WDR26: variants seen among roughly 807,000 people sequenced by gnomAD.
WDR26 encodes WD repeat-containing protein 26.
Under a neutral mutation model 84.1 loss-of-function variants are expected in WDR26, and 5 were observed. The ratio of observed to expected loss-of-function variants is 0.06; its 90% CI spans 0.03 to 0.13. The LOEUF is 0.13. Among genes scored for constraint, WDR26 ranks in the 10% least tolerant of loss-of-function variants. The pLI is 1.00. For missense variants in WDR26, 642 were observed against 974.9 expected (o/e 0.66, Z 4.55); for synonymous variants, 415 against 389.6 (o/e 1.07, Z -0.77).
intron 8 of WDR26, 63 bp downstream of exon 8, chr1:224,404,367 A>G: frequency 1.3e-5 from 20 of 1,542,044 alleles, no homozygotes; most frequent in Non-Finnish European, 1.7e-5. Flanking sequence ...TAAAGTTATA[A>G]TGAATATGTA....
Position 224,431,743 on chromosome 1 carries a change from C to A in WDR26, c.761G>T (p.Arg254Leu). The A allele has an allele frequency of 5.6e-6, 9 of 1,613,830 alleles. No individual in the cohort carries two copies. The highest frequency in any genetic ancestry group is 7.6e-6 in the Non-Finnish European group (9 of 1,179,806). The change falls in exon 2 of 14, where the codon CGT (arginine) becomes CTT (leucine). Residue 254 changes from arginine (R) to leucine (L), a missense_variant. Arg to Leu is a moderately radical substitution (Grantham distance 102, BLOSUM62 -2). This residue lies in a region of WDR26 where 351 missense variants were observed against 672.8 expected (regional missense o/e 0.52). Transcript: ENST00000414423. Reference sequence around the variant, plus strand: ...TTTGGTAGCAGAAGGATGTTCTAAACGACATCCTGACTCTTGCATGAGGAG... The same window carrying A: ...TTTGGTAGCAGAAGGATGTTCTAAAAGACATCCTGACTCTTGCATGAGGAG...
chr1:224,395,308 C>G (rs1673230334), intron 12 of WDR26, among the ~76,000 whole-genome samples: 2 of 152,126 alleles, frequency 1.3e-5, no homozygotes, highest in Admixed American at 1.3e-4. Context: ...GAACAGAGGG[C>G]AGAATCCCAG....
At chr1:224,427,270 T>C (rs1057258320) in intron 3 of WDR26, among the ~76,000 whole-genome samples, 1 of 152,018 alleles carries the variant, frequency 6.6e-6, no homozygotes, top group African/African-American at 2.4e-5. Context: ...TAATTGGGAA[T>C]TGAGGGGCTT....
chr1:224,408,140 T>C (rs888882528), intron 7 of WDR26, among the ~76,000 whole-genome samples: 4 of 152,242 alleles, frequency 2.6e-5, no homozygotes, highest in Admixed American at 1.3e-4. Flanking sequence ...CTGGCTGCTA[T>C]TTAATTAACC....
rs1301709594 is a variant in WDR26, at chr1:224,434,235, C to T, written c.171G>A (p.Ser57=). The T allele has an allele frequency of 7.3e-7, 1 of 1,368,070 alleles. No homozygotes were observed. Among genetic ancestry groups the T allele is most frequent in the Non-Finnish European group, 9.4e-7 (1 of 1,063,388 alleles). 84.7% of individuals were successfully genotyped at this position (1,368,070 alleles called of 1,614,324 possible). ...AGGAGGAGGAGGAGGAGGACGAGGACGACGAGGACGGAGGGGAGAGGCCTG... is the reference window on the plus strand; with the variant it reads ...AGGAGGAGGAGGAGGAGGACGAGGATGACGAGGACGGAGGGGAGAGGCCTG... Residue 57 remains serine (S), a synonymous_variant, in exon 1 of 14, where the codon TCG becomes TCA. Transcript: ENST00000414423.
rs751253284 is a variant in WDR26, at chr1:224,418,247, G to A, written c.1319+13C>T. 1 of 1,590,102 alleles carries A rather than the reference G, an allele frequency of 6.3e-7. No individual in the cohort carries two copies. Among genetic ancestry groups the A allele is most frequent in the South Asian group, 1.2e-5 (1 of 86,600 alleles). On this transcript the variant is annotated intron_variant, in intron 6 of 13. Coordinates refer to ENST00000414423, the MANE Select transcript of WDR26 (RefSeq NM_001379403.1). ...GTTAGGCTGTTTCAGAATATAGGAA[G>A]TTTTCCTCTTACCTACTACAAACAT...
intron 3 of WDR26, among the ~76,000 whole-genome samples, chr1:224,425,289 A>C (rs1275155341): frequency 6.6e-6 from 1 of 152,186 alleles, no homozygotes; most frequent in African/African-American, 2.4e-5. Flanking sequence ...AGCTTGATGC[A>C]CTCACTCTCT....
chr1:224,405,932 G>A (rs1309309287), intron 7 of WDR26, among the ~76,000 whole-genome samples: 1 of 152,206 alleles, frequency 6.6e-6, no homozygotes, highest in Non-Finnish European at 1.5e-5. Context: ...TGTGGAAGAT[G>A]AATCAGAAAG....
Position 224,398,881 on chromosome 1 carries a change from AT to A in WDR26, c.1865+7del, listed in dbSNP as rs753306954. On this transcript the variant is annotated splice_region_variant and intron_variant, in intron 10 of 13. Coordinates refer to ENST00000414423, the MANE Select transcript of WDR26 (RefSeq NM_001379403.1). ...AATTGTTGTTTAATGGAAACAAAAA[AT>A]AGTTACATGTTCCTATCTGTAAGGT... The A allele has an allele frequency of 6.2e-7, 1 of 1,613,546 alleles. No individual in the cohort carries two copies. Among genetic ancestry groups the A allele is most frequent in the South Asian group, 1.1e-5 (1 of 90,956 alleles).
In WDR26 at chr1:224,434,522, T is replaced by TGAGAGGAGGGGGAGG. The variant is rs1674545326; in HGVS notation, c.-132_-118dup. 8.6e-6 allele frequency: 1 copy of TGAGAGGAGGGGGAGG among 115,960 alleles called. No individual in the cohort carries two copies. The highest frequency in any genetic ancestry group is 1.2e-4 in the African/African-American group (1 of 8,038). 7.2% of individuals were successfully genotyped at this position (115,960 alleles called of 1,614,324 possible). A position where few individuals can be genotyped will look rare whatever the true frequency, so the allele number is the denominator to read the frequency against. ...CAGGGTAGGAGGGTGAGGGTGAGGG[T>TGAGAGGAGGGGGAGG]GAGAGGAGGGGGAGGAGGAGGAGGG... is the stretch of plus-strand genomic sequence containing the variant. On this transcript the variant is annotated 5_prime_UTR_variant, in exon 1 of 14. Transcript: ENST00000414423.
Position 224,434,248 on chromosome 1 carries a change from G to T in WDR26, c.158C>A (p.Pro53His), listed in dbSNP as rs1558452277. 1.5e-6 allele frequency: 2 copies of T among 1,375,230 alleles called. No homozygotes were observed. The highest frequency in any genetic ancestry group is 6.2e-5 in the Admixed American group (2 of 32,250). 85.2% of individuals were successfully genotyped at this position (1,375,230 alleles called of 1,614,324 possible). A position where few individuals can be genotyped will look rare whatever the true frequency, so the allele number is the denominator to read the frequency against. ...GGAGGACGAGGACGACGAGGACGGA[G>T]GGGAGAGGCCTGCTCTGCCTGCCGA... is the stretch of plus-strand genomic sequence containing the variant. The change falls in exon 1 of 14, where the codon CCT (proline) becomes CAT (histidine). Residue 53 changes from proline to histidine, a missense_variant. This residue lies in a region of WDR26 where 291 missense variants were observed against 302.1 expected (regional missense o/e 0.96). Coordinates refer to ENST00000414423, the MANE Select transcript of WDR26 (RefSeq NM_001379403.1).
chr1:224,393,358 T>C (rs562060719), intron 13 of WDR26, among the ~76,000 whole-genome samples: 1 of 152,356 alleles, frequency 6.6e-6, no homozygotes, highest in South Asian at 2.1e-4. Context: ...TCTTTCCCTA[T>C]CCATTAAACA....
chr1:224,393,805 G>A (rs760998553), intron 13 of WDR26, 23 bp downstream of exon 13: 25 of 1,485,560 alleles, frequency 1.7e-5, no homozygotes, highest in Non-Finnish European at 2.3e-5. Context: ...ACAAAACATA[G>A]TAACATTATA....
chr1:224,404,433 T>C lies in WDR26; in HGVS notation c.1596A>G (p.Val532=), dbSNP rs1325367787. ...ACCAAAGATGGAACTCGCTCACTTG[T>C]ACATTCCAAAGCCAAAGCTCAGAGC... Residue 532 remains valine (V), a synonymous_variant, in exon 8 of 14, where the codon GTA becomes GTG. Transcript: ENST00000414423. 2 of 1,613,958 alleles carry C rather than the reference T, an allele frequency of 1.2e-6. No individual in the cohort carries two copies. Among genetic ancestry groups the C allele is most frequent in the Admixed American group, 1.7e-5 (1 of 59,992 alleles).
chr1:224,413,429 T>A, intron 6 of WDR26: 1 of 474,342 alleles, frequency 2.1e-6, no homozygotes, highest in Non-Finnish European at 3.2e-6. Context: ...CAGGCTGTTT[T>A]AAACTTTCAG....
At position 224,389,450 on chromosome 1, in the gene WDR26, TAA is replaced by T. The variant is rs1177678909; in HGVS notation, c.*383_*384del. The T allele has an allele frequency of 2.2e-6, 1 of 461,222 alleles. No homozygotes were observed. The highest frequency in any genetic ancestry group is 2.0e-5 in the African/African-American group (1 of 48,822). The allele number at this position is 461,222 out of a possible 1,614,324, so 28.6% of individuals were successfully genotyped here. A position where few individuals can be genotyped will look rare whatever the true frequency, so the allele number is the denominator to read the frequency against. On this transcript the variant is annotated 3_prime_UTR_variant, in exon 14 of 14. Coordinates refer to ENST00000414423, the MANE Select transcript of WDR26 (RefSeq NM_001379403.1). ...CTTTCTATCAAGCCTTCTAAACTGT[TAA>T]ATAAAGTTTTCCAAACAAGCATTTA...
intron 11 of WDR26, 115 bp downstream of exon 11, chr1:224,398,400 A>C: frequency 8.2e-7 from 1 of 1,216,498 alleles, no homozygotes; most frequent in Non-Finnish European, 1.1e-6. Context: ...AATCACATGC[A>C]ATCAAATTTA....
intron 3 of WDR26, among the ~76,000 whole-genome samples, chr1:224,426,531 G>A (rs1187677494): frequency 6.6e-6 from 1 of 151,962 alleles, no homozygotes; most frequent in African/African-American, 2.4e-5. Context: ...ACTAATGAAT[G>A]TTTCAGAAAT....
rs142827296 is a variant in WDR26, at chr1:224,419,594, T to C, written c.1086A>G (p.Ala362=). 216 of 1,613,854 alleles carry C rather than the reference T, an allele frequency of 1.3e-4. No homozygotes were observed. The African/African-American group carries it at 2.5e-3, about 19-fold the overall frequency. ...ATTCTGCTTTTGCACGTAGGTCTTC[T>C]GCATGGCTACACATCAGATACCTAA... The change falls in exon 5 of 14, where the codon GCA becomes GCG. Residue 362 remains alanine, a synonymous_variant. Coordinates refer to ENST00000414423, the MANE Select transcript of WDR26 (RefSeq NM_001379403.1).
Sources: gnomAD v4.1 joint callset for allele counts (sites outside exome capture counted in the v4.1 genomes callset) on GRCh38, gnomAD v4.1.1 for gene constraint, gnomAD v4.1.1 regional missense constraint, MANE v1.5 for transcripts, NCBI Gene and HGNC (gene_info 2026-07-23, HGNC 2026-07-21) for gene names.